SMG5: variants seen among roughly 807,000 people sequenced by gnomAD.
The protein encoded by SMG5 is SMG5 nonsense mediated mRNA decay factor, also known as nonsense-mediated mRNA decay factor SMG5.
A neutral mutation model predicts 122.9 loss-of-function variants in SMG5; 53 were observed. The ratio of observed to expected loss-of-function variants is 0.43; its 90% CI spans 0.35 to 0.54. The LOEUF is 0.54. Among genes scored for constraint, SMG5 ranks in the 20% least tolerant of loss-of-function variants. The probability of loss-of-function intolerance (pLI) is 0.01; values close to 1 mark genes in which losing one functional copy is unlikely to be tolerated. For missense variants in SMG5, 1,153 were observed against 1,285.6 expected, an observed-to-expected ratio of 0.90 and a Z score of 1.58; for synonymous variants, 477 against 490.2, an observed-to-expected ratio of 0.97 and a Z score of 0.35.
chr1:156,256,310 CTTTT>C (rs533116327), intron 16 of SMG5, among the ~76,000 whole-genome samples: 1,464 of 86,932 alleles, frequency 0.017, 27 homozygotes, highest in African/African-American at 0.044. Context: ...CATCTTCTCT[CTTTT>C]TTTTTTTTTT....
In SMG5 at chr1:156,273,043, C is replaced by A. The variant is rs530833822; in HGVS notation, c.634+318G>T. The stretch of plus-strand genomic sequence containing the variant: ...CTTGTTCCTACATGCAAATCCCCAT[C>A]TCTCTCTATAATAGTCTTATGCTTT... On this transcript the variant is annotated intron_variant, in intron 6 of 21. Coordinates refer to ENST00000361813, the MANE Select transcript of SMG5 (RefSeq NM_015327.3). Among the ~76,000 whole-genome samples, 4 of 152,244 alleles carry A rather than the reference C, an allele frequency of 2.6e-5. No individual in the cohort carries two copies. In the East Asian group the frequency reaches 7.7e-4, roughly 29 times the overall value.
At position 156,267,438 on chromosome 1, in the gene SMG5, GGAAGA is replaced by G. The variant is rs759355669; in HGVS notation, c.1117+27_1117+31del. 76 of 1,604,822 alleles carry G rather than the reference GGAAGA, an allele frequency of 4.7e-5. No homozygotes were observed. In the African/African-American group the frequency reaches 8.8e-4, roughly 19 times the overall value. On this transcript the variant is annotated intron_variant, in intron 10 of 21. Coordinates refer to ENST00000361813, the MANE Select transcript of SMG5 (RefSeq NM_015327.3). ...GGGAGTGAGGATCCCCAAAGCCAGT[GGAAGA>G]GAAAAGAGGAACATAGGGAAGGTTA...
At chr1:156,261,503 A>C in intron 13 of SMG5, 95 bp from the exon 14 acceptor site, 2 of 980,566 alleles carry the variant, frequency 2.0e-6, no homozygotes, top group Non-Finnish European at 3.2e-6. Context: ...GATCTGGCCT[A>C]TGTTCAGAGG....
the SMG5 span, among the ~76,000 whole-genome samples, chr1:156,289,817 C>T: frequency 5.9e-5 from 9 of 152,316 alleles, 1 homozygote; most frequent in East Asian, 9.6e-4. Context: ...CTCTCCCCTC[C>T]CTCCATTGAG....
chr1:156,282,916 T>A, upstream of SMG5: 2 of 543,818 alleles, frequency 3.7e-6, no homozygotes, highest in Admixed American at 6.8e-5. Flanking sequence ...AAACTCGTTT[T>A]CCCTCCCGGG....
intron 7 of SMG5, among the ~76,000 whole-genome samples, chr1:156,269,870 A>G (rs1211144676): frequency 6.6e-6 from 1 of 151,408 alleles, no homozygotes; most frequent in Non-Finnish European, 1.5e-5. Context: ...GCGAGACTCC[A>G]TCTCAAAAAA....
intron 12 of SMG5, among the ~76,000 whole-genome samples, chr1:156,265,115 C>T (rs1196230192): frequency 6.6e-6 from 1 of 150,990 alleles, no homozygotes; most frequent in East Asian, 1.9e-4. Flanking sequence ...CCCAGCTACT[C>T]AGAAGGCTGA....
At chr1:156,278,596 G>A (rs1662795265) in intron 2 of SMG5, among the ~76,000 whole-genome samples, 1 of 151,852 alleles carries the variant, frequency 6.6e-6, no homozygotes, top group African/African-American at 2.4e-5. Flanking sequence ...CAAACTCCTG[G>A]GCTCAAGTGT....
At chr1:156,280,678 T>G (rs1662895620) in intron 1 of SMG5, among the ~76,000 whole-genome samples, 1 of 152,212 alleles carries the variant, frequency 6.6e-6, no homozygotes, top group Non-Finnish European at 1.5e-5. Flanking sequence ...CTTATATCCT[T>G]AATCCAAAAG....
intron 3 of SMG5, 113 bp from the exon 4 acceptor site, chr1:156,277,354 C>T (rs752102609): frequency 3.3e-6 from 4 of 1,194,252 alleles, no homozygotes; most frequent in Non-Finnish European, 4.7e-6. Flanking sequence ...CATCTACTCT[C>T]ACTCACAAGT....
At chr1:156,290,839 AAAT>A in the SMG5 span, 2 of 151,598 alleles carry the variant, frequency 1.3e-5, no homozygotes, top group Non-Finnish European at 2.9e-5. Flanking sequence ...AAAAATAAAA[AAAT>A]AATAATAATT....
At position 156,266,334 on chromosome 1, in the gene SMG5, A is replaced by G. The variant is rs148550148; in HGVS notation, c.1302T>C (p.Asp434=). 12 of 1,614,014 alleles carry G rather than the reference A, an allele frequency of 7.4e-6. No homozygotes were observed. Among genetic ancestry groups the G allele is most frequent in the South Asian group, 3.3e-5 (3 of 91,066 alleles). ...GGGGTGTTACAGGAGGAGGCTCAGG[A>G]TCTGGCTCCTCCTCTTTCTCCACAG... The part of the protein sequence containing the change: ...KEPVEKEEEP[D]PEPPPVTPQV... Residue 434 remains aspartate (D), a synonymous_variant, in exon 12 of 22, where the codon GAT becomes GAC. Coordinates refer to ENST00000361813, the MANE Select transcript of SMG5 (RefSeq NM_015327.3).
At position 156,279,033 on chromosome 1, in the gene SMG5, C is replaced by T; in HGVS notation, c.76G>A (p.Ala26Thr). ...AGTCGATGCACAGCCTCCACCACAG[C>T]CCTGTAGGGAAATACAGGCAAATAT... ...KVLHTKRLYRAVVEAVHRLDL... is the reference protein window; with the variant it reads ...KVLHTKRLYRTVVEAVHRLDL... The change falls in exon 2 of 22, where the codon GCT becomes ACT. Residue 26 changes from alanine (A) to threonine (T), a missense_variant and splice_region_variant. Ala to Thr is a moderately conservative substitution (Grantham distance 58). This residue lies in a region of SMG5 where 213 missense variants were observed against 197.5 expected (regional missense o/e 1.08). Transcript: ENST00000361813. 6.2e-7 allele frequency: 1 copy of T among 1,613,864 alleles called. No homozygotes were observed. The highest frequency in any genetic ancestry group is 8.5e-7 in the Non-Finnish European group (1 of 1,179,792).
chr1:156,263,427 T>C lies in SMG5; in HGVS notation c.1999A>G (p.Thr667Ala). The part of the protein sequence containing the change: ...AVKVFLDWLR[T>A]NPDLIIVCAQ... ...CACACGATGATGAGGTCGGGGTTGG[T>C]CCGAAGCCAGTCCAGGAAGACTTTC... Residue 667 changes from threonine (T) to alanine (A), a missense_variant, in exon 13 of 22, where the codon ACC (threonine) becomes GCC (alanine). Physicochemically the swap from Thr to Ala is moderately conservative, Grantham distance 58 (BLOSUM62 0). This residue lies in a region of SMG5 where 631 missense variants were observed against 650.6 expected (regional missense o/e 0.97). Coordinates refer to ENST00000361813, the MANE Select transcript of SMG5 (RefSeq NM_015327.3). 6.2e-7 allele frequency: 1 copy of C among 1,614,128 alleles called. No individual in the cohort carries two copies. Among genetic ancestry groups the C allele is most frequent in the Non-Finnish European group, 8.5e-7 (1 of 1,180,008 alleles).
intron 5 of SMG5, among the ~76,000 whole-genome samples, chr1:156,274,286 T>C (rs897913248): frequency 1.3e-5 from 2 of 152,154 alleles, no homozygotes; most frequent in African/African-American, 2.4e-5. Context: ...TCCATAAAGA[T>C]AAAAGAAACA....
At chr1:156,251,199 CAA>C (rs1409125092) in intron 20 of SMG5, 1 of 901,218 alleles carries the variant, frequency 1.1e-6, no homozygotes, top group Non-Finnish European at 1.7e-6. Flanking sequence ...TCGCAAGGCC[CAA>C]AGAGGCTGAC....
At chr1:156,272,700 A>G (rs1369833599) in intron 6 of SMG5, among the ~76,000 whole-genome samples, 1 of 151,758 alleles carries the variant, frequency 6.6e-6, no homozygotes, top group Non-Finnish European at 1.5e-5. Flanking sequence ...AGCCTCTCCC[A>G]GTAGCTGGGA....
At chr1:156,275,167 C>G (rs1449422773) in intron 4 of SMG5, among the ~76,000 whole-genome samples, 1 of 116,816 alleles carries the variant, frequency 8.6e-6, no homozygotes, top group Admixed American at 8.6e-5. Flanking sequence ...ACAACGACAA[C>G]AACAAAATTT....
rs566303255 is a variant in SMG5 at position 156,277,995 on chromosome 1, C to T, written c.227G>A (p.Arg76Lys). The change falls in exon 3 of 22, where the codon AGA becomes AAA. Residue 76 changes from arginine (R) to lysine (K), a missense_variant. By Grantham distance (26) the Arg-to-Lys change is conservative. This residue lies in a region of SMG5 where 213 missense variants were observed against 197.5 expected (regional missense o/e 1.08). Coordinates refer to ENST00000361813, the MANE Select transcript of SMG5 (RefSeq NM_015327.3). Reference protein sequence around the residue: ...LMFLHPVDYGRKAEELLWRKV... With the variant: ...LMFLHPVDYGKKAEELLWRKV... ...TCTCCACAGCAGCTCCTCAGCCTTT[C>T]TCCCATAGTCCACTGGGTGCAGGAA... 8 of 1,614,180 alleles carry T rather than the reference C, an allele frequency of 5.0e-6. No homozygotes were observed. The South Asian group carries it at 5.5e-5, about 11-fold the overall frequency.
Sources: gnomAD v4.1 joint callset for allele counts (sites outside exome capture counted in the v4.1 genomes callset) on GRCh38, gnomAD v4.1.1 for gene constraint, gnomAD v4.1.1 regional missense constraint, MANE v1.5 for transcripts, NCBI Gene and HGNC (gene_info 2026-07-23, HGNC 2026-07-21) for gene names.